Variants in SEC31A observed in about 807,000 individuals in gnomAD.
The protein encoded by SEC31A is protein transport protein Sec31A.
SEC31A carries 70 observed loss-of-function variants against 151.0 expected under a neutral mutation model. That is an observed-to-expected ratio of 0.46 (90% CI 0.38 to 0.57). The LOEUF is 0.57. Among genes scored for constraint, SEC31A ranks in the 20% least tolerant of loss-of-function variants. SEC31A has a pLI of 0.00. For synonymous variants in SEC31A, 475 were observed against 505.9 expected, an observed-to-expected ratio of 0.94 and a Z score of 0.82; for missense variants, 1,330 against 1,471.2, an observed-to-expected ratio of 0.90 and a Z score of 1.57.
intron 22 of SEC31A, among the ~76,000 whole-genome samples, chr4:82,834,810 C>CT (rs1313555744): frequency 2.0e-5 from 3 of 151,934 alleles, no homozygotes; most frequent in African/African-American, 7.2e-5. Context: ...GATTTAGTGA[C>CT]TTTTTTAAAA....
chr4:82,873,097 A>T (rs1737111130), intron 6 of SEC31A, among the ~76,000 whole-genome samples: 1 of 151,926 alleles, frequency 6.6e-6, no homozygotes, highest in Non-Finnish European at 1.5e-5. Flanking sequence ...GTGGTGGCTC[A>T]CTCCTGTAAT....
intron 25 of SEC31A, among the ~76,000 whole-genome samples, chr4:82,823,483 C>T (rs531102168): frequency 6.6e-6 from 1 of 152,322 alleles, no homozygotes; most frequent in East Asian, 1.9e-4. Context: ...TTCCACAAAG[C>T]CACTGACCAG....
chr4:82,826,475 T>A (rs1724597534), intron 24 of SEC31A, among the ~76,000 whole-genome samples: 1 of 152,202 alleles, frequency 6.6e-6, no homozygotes, highest in African/African-American at 2.4e-5. Context: ...TGCCTCAGCC[T>A]CCCGAGTAGC....
rs1364619649 is a variant in SEC31A at position 82,854,987 on chromosome 4, C to T, written c.1924G>A (p.Glu642Lys). The change falls in exon 17 of 27, where the codon GAG (glutamate) becomes AAG (lysine). Residue 642 changes from glutamate to lysine, a missense_variant. Coordinates refer to ENST00000395310, the MANE Select transcript of SEC31A (RefSeq NM_001077207.4). ...VVMKNWKEIV[E>K]SCDLKNWREA... ...CTCCAATTTTTAAGATCACAAGACT[C>T]AACAATCTCTTTCCAGTTCTTCATC... 1 of 1,613,774 alleles carries T rather than the reference C, an allele frequency of 6.2e-7. No individual in the cohort carries two copies. The highest frequency in any genetic ancestry group is 1.1e-5 in the South Asian group (1 of 91,046).
intron 6 of SEC31A, among the ~76,000 whole-genome samples, chr4:82,873,875 T>TAG (rs1371556105): frequency 2.0e-5 from 3 of 152,198 alleles, no homozygotes; most frequent in African/African-American, 4.8e-5. Flanking sequence ...GAAAATATAT[T>TAG]AGCTCATTTT....
chr4:82,830,118 T>C (rs1214855973), intron 22 of SEC31A, among the ~76,000 whole-genome samples: 1 of 152,188 alleles, frequency 6.6e-6, no homozygotes, highest in Non-Finnish European at 1.5e-5. Context: ...ACAGAAACTT[T>C]AAAAAATACA....
intron 8 of SEC31A, among the ~76,000 whole-genome samples, chr4:82,868,884 G>A (rs897953203): frequency 6.6e-6 from 1 of 151,824 alleles, no homozygotes; most frequent in African/African-American, 2.4e-5. Context: ...TTGTGGAGAT[G>A]GGGTTTCACC....
intron 25 of SEC31A, among the ~76,000 whole-genome samples, chr4:82,822,788 AC>A (rs1254645453): frequency 1.3e-5 from 2 of 152,236 alleles, no homozygotes; most frequent in East Asian, 3.9e-4. Context: ...AGCCTGACCA[AC>A]ATGGAGAAAC....
intron 25 of SEC31A, among the ~76,000 whole-genome samples, chr4:82,823,311 C>T (rs1482858145): frequency 6.6e-6 from 1 of 152,212 alleles, no homozygotes; most frequent in Non-Finnish European, 1.5e-5. Flanking sequence ...TGAATGACTA[C>T]AGCCTGTCTA....
At chr4:82,868,443 G>A (rs1735878506) in intron 8 of SEC31A, among the ~76,000 whole-genome samples, 1 of 152,028 alleles carries the variant, frequency 6.6e-6, no homozygotes, top group African/African-American at 2.4e-5. Flanking sequence ...CAAGGTTTCA[G>A]TGACCCGTCA....
chr4:82,828,567 T>C (rs1725142225), intron 23 of SEC31A, among the ~76,000 whole-genome samples: 1 of 148,748 alleles, frequency 6.7e-6, no homozygotes, highest in Non-Finnish European at 1.5e-5. Flanking sequence ...ATCTGTATAG[T>C]GCTCAGCCAC....
intron 1 of SEC31A, among the ~76,000 whole-genome samples, chr4:82,884,506 A>G (rs1372632547): frequency 6.6e-6 from 1 of 152,194 alleles, no homozygotes; most frequent in Admixed American, 6.5e-5. Context: ...CACCACCAAC[A>G]TCGCACATCA....
At chr4:82,880,141 C>A (rs1327300851) in intron 3 of SEC31A, among the ~76,000 whole-genome samples, 2 of 151,678 alleles carry the variant, frequency 1.3e-5, no homozygotes, top group African/African-American at 4.8e-5. Flanking sequence ...CGAGATTGCG[C>A]CATTGCACTC....
intron 1 of SEC31A, among the ~76,000 whole-genome samples, chr4:82,882,334 A>G (rs533957928): frequency 9.4e-5 from 14 of 148,236 alleles, no homozygotes; most frequent in African/African-American, 3.3e-4. Context: ...CCCGGAAGAC[A>G]GAGCTTGCAG....
intron 22 of SEC31A, among the ~76,000 whole-genome samples, chr4:82,833,022 G>C (rs969272733): frequency 6.6e-6 from 1 of 151,426 alleles, no homozygotes; most frequent in African/African-American, 2.4e-5. Context: ...CTAGAACTAG[G>C]AATACCATTT....
chr4:82,874,683 G>A lies in SEC31A; in HGVS notation c.567C>T (p.Pro189=), dbSNP rs1168295484. The change falls in exon 6 of 27, where the codon CCC becomes CCT. Residue 189 remains proline (P), a synonymous_variant. Coordinates refer to ENST00000395310, the MANE Select transcript of SEC31A (RefSeq NM_001077207.4). ...GATCCCATACAGTGGCCCGGCCACT[G>A]GGACTGGCTGATGCTAAAATATGCT... The part of the protein sequence containing the change: ...QVQHILASAS[P]SGRATVWDLR... 1.2e-6 allele frequency: 2 copies of A among 1,613,332 alleles called. No homozygotes were observed. Among genetic ancestry groups the A allele is most frequent in the Admixed American group, 3.4e-5 (2 of 59,650 alleles).
In SEC31A at chr4:82,866,919, T is replaced by C; in HGVS notation, c.1086A>G (p.Gly362=). The C allele has an allele frequency of 1.2e-6, 2 of 1,614,118 alleles. No homozygotes were observed. Among genetic ancestry groups the C allele is most frequent in the South Asian group, 1.1e-5 (1 of 91,072 alleles). The change falls in exon 10 of 27, where the codon GGA becomes GGG. Residue 362 remains glycine, a synonymous_variant. Transcript: ENST00000395310. The part of the protein sequence containing the change: ...SFGNLDPFGT[G]QPLPPLQIPQ... ...GAATTTGTAACGGAGGAAGGGGCTGTCCTGTGCCAAAGGGATCAAGATTCC... is the reference window on the plus strand; with the variant it reads ...GAATTTGTAACGGAGGAAGGGGCTGCCCTGTGCCAAAGGGATCAAGATTCC...
intron 16 of SEC31A, among the ~76,000 whole-genome samples, chr4:82,856,183 C>G (rs1260584351): frequency 6.6e-6 from 1 of 151,966 alleles, no homozygotes; most frequent in Non-Finnish European, 1.5e-5. Flanking sequence ...CAGAGTCTTG[C>G]ACTGTTGCCC....
chr4:82,873,195 T>C (rs1340906057), intron 6 of SEC31A, among the ~76,000 whole-genome samples: 1 of 151,856 alleles, frequency 6.6e-6, no homozygotes, highest in Non-Finnish European at 1.5e-5. Flanking sequence ...CCATCTCTAC[T>C]AAAAATACAA....
Sources: gnomAD v4.1 joint callset for allele counts (sites outside exome capture counted in the v4.1 genomes callset) on GRCh38, gnomAD v4.1.1 for gene constraint, MANE v1.5 for transcripts, NCBI Gene and HGNC (gene_info 2026-07-23, HGNC 2026-07-21) for gene names.